Variants in CYP3A7 observed in about 807,000 individuals in gnomAD.
The protein encoded by CYP3A7 is cytochrome P450 family 3 subfamily A member 7.
A neutral mutation model predicts 55.2 loss-of-function variants in CYP3A7; 45 were observed. The ratio of observed to expected loss-of-function variants is 0.82; its 90% confidence interval spans 0.64 to 1.05. CYP3A7 has a LOEUF of 1.05. CYP3A7 is among the 50% of genes least tolerant of loss of function. The probability of loss-of-function intolerance (pLI) is 0.00; values close to 1 mark genes in which losing one functional copy is unlikely to be tolerated. For synonymous variants in CYP3A7, 180 were observed against 207.4 expected (o/e 0.87, Z 1.13); for missense variants, 548 against 605.3 (o/e 0.91, Z 0.99).
rs1443677333 is a variant in CYP3A7 at position 99,735,176 on chromosome 7, T to G, written c.-83A>C. On this transcript the variant is annotated 5_prime_UTR_variant, in exon 1 of 13. Coordinates refer to ENST00000336374, the MANE Select transcript of CYP3A7 (RefSeq NM_000765.5). ...GTTTGCTGGGCTGTGTGTGTGGAGC[T>G]TTCCTGCCCTGCACAGCAGTGATTC... 5 of 1,555,354 alleles carry G rather than the reference T, an allele frequency of 3.2e-6. No individual in the cohort carries two copies. The highest frequency in any genetic ancestry group is 4.4e-6 in the Non-Finnish European group (5 of 1,131,890).
Position 99,731,151 on chromosome 7 carries a change from A to G in CYP3A7, c.73T>C (p.Tyr25His), listed in dbSNP as rs1814599818. The G allele has an allele frequency of 1.9e-6, 3 of 1,613,820 alleles. No individual in the cohort carries two copies. The highest frequency in any genetic ancestry group is 2.5e-6 in the Non-Finnish European group (3 of 1,179,776). ...AAAAGTCCATGTGTACGGGTTCCAT[A>G]TCTACAAAGTGAAACAAAAATCAGG... Reference protein sequence around the residue: ...LAVSLILLYLYGTRTHGLFKK... With the variant: ...LAVSLILLYLHGTRTHGLFKK... Residue 25 changes from tyrosine (Y) to histidine (H), a missense_variant and splice_region_variant, in exon 2 of 13, where the codon TAT becomes CAT. Coordinates refer to ENST00000336374, the MANE Select transcript of CYP3A7 (RefSeq NM_000765.5).
At chr7:99,705,718 C>A in intron 12 of CYP3A7, 123 bp from the exon 13 acceptor site, 1 of 1,208,968 alleles carries the variant, frequency 8.3e-7, no homozygotes, top group Non-Finnish European at 1.2e-6. Flanking sequence ...CTACTTTCAG[C>A]ACTATAAATC....
chr7:99,729,348 A>G (rs1814536342), intron 2 of CYP3A7, among the ~76,000 whole-genome samples: 1 of 152,154 alleles, frequency 6.6e-6, no homozygotes, highest in Admixed American at 6.6e-5. Context: ...AACTCATTAT[A>G]AAATTTTCTT....
intron 7 of CYP3A7, 45 bp downstream of exon 7, chr7:99,715,713 A>G (rs376811872): frequency 9.3e-6 from 15 of 1,613,002 alleles, no homozygotes; most frequent in Middle Eastern, 1.6e-4. Context: ...TAAAGCAGTT[A>G]TTTTTAAGAG....
At chr7:99,714,474 AG>A (rs940948865) in intron 8 of CYP3A7, 80 bp downstream of exon 8, 1 of 1,576,012 alleles carries the variant, frequency 6.3e-7, no homozygotes, top group African/African-American at 1.4e-5. Context: ...AAAAACATAC[AG>A]GGAAGTGCAC....
rs746188923 is a variant in CYP3A7 at position 99,707,986 on chromosome 7, T to C, written c.1254-12A>G. On this transcript the variant is annotated splice_polypyrimidine_tract_variant and intron_variant, in intron 11 of 12. Coordinates refer to ENST00000336374, the MANE Select transcript of CYP3A7 (RefSeq NM_000765.5). ...TCTTTTTACTGAACCTGGTTCCATA[T>C]TGGTAGATATTTTAAAAGTTAAAGA... The C allele has an allele frequency of 1.2e-6, 2 of 1,613,748 alleles. No individual in the cohort carries two copies. Among genetic ancestry groups the C allele is most frequent in the South Asian group, 1.1e-5 (1 of 91,074 alleles).
chr7:99,709,521 A>G (rs968328295), intron 10 of CYP3A7, among the ~76,000 whole-genome samples: 1 of 152,198 alleles, frequency 6.6e-6, no homozygotes, highest in Non-Finnish European at 1.5e-5. Flanking sequence ...TAGCATAACC[A>G]TGTAGTGGTT....
intron 2 of CYP3A7, 108 bp from the exon 3 acceptor site, chr7:99,722,456 A>T: frequency 1.5e-6 from 2 of 1,354,596 alleles, no homozygotes; most frequent in Non-Finnish European, 2.1e-6. Flanking sequence ...ACTTGCTGGC[A>T]GTTAGAGGAA....
At chr7:99,722,981 C>T (rs1814262205) in intron 2 of CYP3A7, among the ~76,000 whole-genome samples, 3 of 151,952 alleles carry the variant, frequency 2.0e-5, no homozygotes, top group South Asian at 2.1e-4. Context: ...CTCTACACAT[C>T]GGAGACAGAA....
intron 2 of CYP3A7, among the ~76,000 whole-genome samples, chr7:99,726,743 TA>T (rs1266807907): frequency 6.6e-6 from 1 of 152,180 alleles, no homozygotes; most frequent in Non-Finnish European, 1.5e-5. Context: ...TTCTACTCTG[TA>T]GTCCCTCCTT....
At position 99,720,710 on chromosome 7, in the gene CYP3A7, G is replaced by A. The variant is rs1156694170; in HGVS notation, c.219-298C>T. ...TGACAGGAGAGCATTTGTTAAGCTG[G>A]GTGGTGCATACATGGGTATTTCCCA... On this transcript the variant is annotated intron_variant, in intron 3 of 12. Coordinates refer to ENST00000336374, the MANE Select transcript of CYP3A7 (RefSeq NM_000765.5). The A allele has an allele frequency of 8.9e-6, 3 of 337,350 alleles. No homozygotes were observed. In the East Asian group the frequency reaches 1.8e-4, roughly 20 times the overall value. 20.9% of individuals were successfully genotyped at this position (337,350 alleles called of 1,614,324 possible). A position where few individuals can be genotyped will look rare whatever the true frequency, so the allele number is the denominator to read the frequency against.
chr7:99,714,041 C>T (rs1813847157), intron 8 of CYP3A7, among the ~76,000 whole-genome samples: 1 of 152,162 alleles, frequency 6.6e-6, no homozygotes, highest in Admixed American at 6.5e-5. Context: ...GCCTTGCAGC[C>T]TCAATTCCCA....
intron 2 of CYP3A7, among the ~76,000 whole-genome samples, chr7:99,724,922 G>C (rs995988949): frequency 3.9e-5 from 6 of 152,056 alleles, no homozygotes; most frequent in Non-Finnish European, 2.9e-5. Flanking sequence ...CCTCTCCCCA[G>C]ATGAGCAGGA....
At chr7:99,723,389 T>C (rs1427827562) in intron 2 of CYP3A7, among the ~76,000 whole-genome samples, 6 of 152,210 alleles carry the variant, frequency 3.9e-5, no homozygotes, top group Non-Finnish European at 7.4e-5. Context: ...CCTCCTCTGC[T>C]GACAATAGAT....
In CYP3A7 at chr7:99,731,077, A is replaced by G. The variant is rs141845157; in HGVS notation, c.147T>C (p.Asn49=). 141 of 1,613,732 alleles carry G rather than the reference A, an allele frequency of 8.7e-5. No individual in the cohort carries two copies. In the African/African-American group the frequency reaches 1.7e-3, roughly 20 times the overall value. The change falls in exon 2 of 13, where the codon AAT becomes AAC. Residue 49 remains asparagine (N), a synonymous_variant. Coordinates refer to ENST00000336374, the MANE Select transcript of CYP3A7 (RefSeq NM_000765.5). The stretch of plus-strand genomic sequence containing the variant: ...CACTCACCTTACGGAAGGACAAAGC[A>G]TTTCCCAAAAAAGGCAGAGGTGTGG... ...PGPTPLPFLG[N]ALSFRKGYWT...
intron 2 of CYP3A7, among the ~76,000 whole-genome samples, chr7:99,727,133 T>C (rs2151529318): frequency 6.6e-6 from 1 of 152,318 alleles, no homozygotes. Context: ...CCATACTAGC[T>C]CTTCCTGACT....
At chr7:99,726,461 C>T (rs182259861) in intron 2 of CYP3A7, among the ~76,000 whole-genome samples, 15 of 152,308 alleles carry the variant, frequency 9.8e-5, no homozygotes, top group African/African-American at 3.6e-4. Flanking sequence ...CCAACCCGTA[C>T]ACTCTTTTGT....
At chr7:99,716,661 C>T (rs1339180881) in intron 6 of CYP3A7, among the ~76,000 whole-genome samples, 3 of 152,038 alleles carry the variant, frequency 2.0e-5, no homozygotes, top group African/African-American at 4.8e-5. Context: ...CCACCTATAG[C>T]GTTTTTACCA....
At chr7:99,714,742 G>A in intron 7 of CYP3A7, 60 bp from the exon 8 acceptor site, 1 of 1,589,020 alleles carries the variant, frequency 6.3e-7, no homozygotes, top group Non-Finnish European at 8.5e-7. Context: ...AATTTACCTG[G>A]AGCAATTCTA....
Sources: gnomAD v4.1 joint callset for allele counts (sites outside exome capture counted in the v4.1 genomes callset) on GRCh38, gnomAD v4.1.1 for gene constraint, MANE v1.5 for transcripts, NCBI Gene and HGNC (gene_info 2026-07-23, HGNC 2026-07-21) for gene names.